Variants in GALK2 observed in about 807,000 individuals in gnomAD.
The protein encoded by GALK2 is galactokinase 2.
In GALK2, 36 loss-of-function variants were observed where a neutral mutation model predicts 52.4. The ratio of observed to expected loss-of-function variants is 0.69; its 90% CI spans 0.53 to 0.91. The LOEUF is 0.91. GALK2 is among the 40% of genes least tolerant of loss of function. The pLI is 0.00. For missense variants in GALK2, 579 were observed against 559.1 expected (o/e 1.04, Z -0.36); for synonymous variants, 176 against 199.1 (o/e 0.88, Z 0.98).
chr15:49,255,828 C>G lies in GALK2; in HGVS notation c.504+16461C>G, dbSNP rs569699519. Among the ~76,000 whole-genome samples the G allele has an allele frequency of 5.7e-4, 86 of 152,154 alleles. 1 individual carries two copies. Among genetic ancestry groups the G allele is most frequent in the Admixed American group, 4.8e-3 (73 of 15,260 alleles). ...GTTTTAATTAATAATGCATGTTTGT[C>G]AAATGAGTGAAAAATAGCAATGACT... On this transcript the variant is annotated intron_variant, in intron 5 of 9. Transcript: ENST00000560031.
At chr15:49,359,939 T>G (rs1436853392) in intron 3 of GALK2, among the ~76,000 whole-genome samples, 20 of 150,354 alleles carry the variant, frequency 1.3e-4, no homozygotes, top group East Asian at 5.9e-4. Flanking sequence ...GTCCTTTGTA[T>G]GGACATGGAT....
chr15:49,359,123 A>G (rs1337368458), intron 3 of GALK2, among the ~76,000 whole-genome samples: 2 of 151,024 alleles, frequency 1.3e-5, no homozygotes, highest in Admixed American at 1.3e-4. Context: ...TAGACCTAAA[A>G]CCATAAAAAC....
At chr15:49,309,628 G>GT (rs531531511) in intron 8 of GALK2, among the ~76,000 whole-genome samples, 3,343 of 147,240 alleles carry the variant, frequency 0.023, 98 homozygotes, top group South Asian at 0.079. Context: ...TTTTTTTTTT[G>GT]TTTTTTTTTG....
intron 2 of GALK2, among the ~76,000 whole-genome samples, chr15:49,202,481 A>G (rs1396867812): frequency 1.3e-5 from 2 of 152,110 alleles, no homozygotes; most frequent in African/African-American, 2.4e-5. Flanking sequence ...GACTTATTTC[A>G]CTTAACATAA....
intron 5 of GALK2, among the ~76,000 whole-genome samples, chr15:49,278,192 C>T (rs1451523129): frequency 6.6e-6 from 1 of 152,068 alleles, no homozygotes; most frequent in Admixed American, 6.5e-5. Flanking sequence ...ACCCGGGAGG[C>T]GGAGCTTGCA....
chr15:49,173,633 A>G (rs1403017870), intron 1 of GALK2, among the ~76,000 whole-genome samples: 1 of 152,182 alleles, frequency 6.6e-6, no homozygotes, highest in Non-Finnish European at 1.5e-5. Flanking sequence ...TAAAAATGAT[A>G]TATTCACATA....
chr15:49,229,937 G>A (rs1380749047), intron 3 of GALK2, among the ~76,000 whole-genome samples: 1 of 152,166 alleles, frequency 6.6e-6, no homozygotes, highest in African/African-American at 2.4e-5. Flanking sequence ...TTTGGCCTCA[G>A]CAGTGCAATG....
At chr15:49,362,896 C>T (rs2044496113) in intron 3 of GALK2, among the ~76,000 whole-genome samples, 1 of 152,056 alleles carries the variant, frequency 6.6e-6, no homozygotes. Flanking sequence ...TTCCCTATTA[C>T]TTGTTTTGTC....
intron 1 of GALK2, among the ~76,000 whole-genome samples, chr15:49,161,065 C>G (rs1408236147): frequency 6.6e-6 from 1 of 152,166 alleles, no homozygotes; most frequent in Non-Finnish European, 1.5e-5. Context: ...GGATAATATG[C>G]TTAACAAATG....
intron 1 of GALK2, among the ~76,000 whole-genome samples, chr15:49,195,804 G>C (rs2087174002): frequency 6.6e-6 from 1 of 151,274 alleles, no homozygotes; most frequent in African/African-American, 2.4e-5. Context: ...TTGGCTGGTG[G>C]CAAAAGAGAG....
intron 3 of GALK2, among the ~76,000 whole-genome samples, chr15:49,367,034 G>A (rs1335233802): frequency 6.6e-6 from 1 of 152,080 alleles, no homozygotes; most frequent in Non-Finnish European, 1.5e-5. Flanking sequence ...TGTAAAAAAT[G>A]TTCTGATAAA....
chr15:49,328,642 C>G lies in GALK2; in HGVS notation c.*483C>G, dbSNP rs2037951626. 1 of 1,575,538 alleles carries G rather than the reference C, an allele frequency of 6.3e-7. No individual in the cohort carries two copies. The highest frequency in any genetic ancestry group is 8.6e-7 in the Non-Finnish European group (1 of 1,157,170). ...GATGATGATGATGACGATAGTGATG[C>G]CACACATTCTCTCTCAATTTCAGCT... On this transcript the variant is annotated 3_prime_UTR_variant, in exon 10 of 10. Coordinates refer to ENST00000560031, the MANE Select transcript of GALK2 (RefSeq NM_002044.4).
chr15:49,321,392 C>A (rs2036860415), intron 9 of GALK2, among the ~76,000 whole-genome samples: 2 of 152,156 alleles, frequency 1.3e-5, no homozygotes, highest in African/African-American at 4.8e-5. Flanking sequence ...CATCGGAAGG[C>A]TTCTGGCTTT....
intron 3 of GALK2, among the ~76,000 whole-genome samples, chr15:49,228,384 A>T (rs2090257994): frequency 1.3e-5 from 2 of 151,710 alleles, no homozygotes; most frequent in Admixed American, 1.3e-4. Context: ...GATGCTTCAT[A>T]AGTTACATAA....
At position 49,269,043 on chromosome 15, in the gene GALK2, G is replaced by T. The variant is rs78370411; in HGVS notation, c.505-12944G>T. On this transcript the variant is annotated intron_variant, in intron 5 of 9. Coordinates refer to ENST00000560031, the MANE Select transcript of GALK2 (RefSeq NM_002044.4). ...GGAGTGTCAGGAGTAACTATATGTA[G>T]GTACTTAAGGAATGAAAATCTGGAG... Among the ~76,000 whole-genome samples the T allele has an allele frequency of 4.9e-3, 740 of 152,208 alleles. 3 individuals carry two copies. Among genetic ancestry groups the T allele is most frequent in the South Asian group, 0.012 (56 of 4,814 alleles).
rs576521118 is a variant in GALK2 at position 49,277,065 on chromosome 15, C to T, written c.505-4922C>T. ...CTCGGCTCACTGCAAGCTCCGCCTC[C>T]TGGGTTCACGCCATTCTCCTGCCTC... On this transcript the variant is annotated intron_variant, in intron 5 of 9. Coordinates refer to ENST00000560031, the MANE Select transcript of GALK2 (RefSeq NM_002044.4). Among the ~76,000 whole-genome samples, 120 of 145,030 alleles carry T rather than the reference C, an allele frequency of 8.3e-4. 4 individuals are homozygous for T. The South Asian group carries it at 0.025, about 31-fold the overall frequency.
intron 1 of GALK2, among the ~76,000 whole-genome samples, chr15:49,176,013 T>C (rs1048626377): frequency 5.3e-5 from 8 of 152,248 alleles, no homozygotes; most frequent in African/African-American, 1.4e-4. Flanking sequence ...GTCTTGCTGA[T>C]GCTCCCGGCT....
At chr15:49,235,212 C>T (rs1194329288) in intron 3 of GALK2, among the ~76,000 whole-genome samples, 1 of 152,164 alleles carries the variant, frequency 6.6e-6, no homozygotes, top group East Asian at 1.9e-4. Context: ...TTTCCTGAAA[C>T]AAATTATCAT....
upstream of GALK2, among the ~76,000 whole-genome samples, chr15:49,166,396 C>T (rs2084824885): frequency 6.6e-6 from 1 of 152,058 alleles, no homozygotes; most frequent in Non-Finnish European, 1.5e-5. Context: ...TGATTATATA[C>T]ACTAGAGAGC....
Sources: allele counts gnomAD v4.1 joint callset (sites outside exome capture counted in the v4.1 genomes callset), GRCh38; gene constraint gnomAD v4.1.1; transcripts MANE v1.5; gene names NCBI Gene and HGNC (gene_info 2026-07-23, HGNC 2026-07-21).